The following TRIM2 variants were observed in gnomAD, a reference collection of about 807,000 sequenced individuals.
TRIM2 encodes the protein tripartite motif-containing protein 2.
In TRIM2, 20 loss-of-function variants were observed where a neutral mutation model predicts 75.2. That is an observed-to-expected ratio of 0.27 (90% confidence interval 0.19 to 0.39). The LOEUF is 0.39. Among genes scored for constraint, TRIM2 ranks in the 10% least tolerant of loss-of-function variants. The pLI, the probability that TRIM2 is intolerant of heterozygous loss-of-function variation, is 1.00. For synonymous variants in TRIM2, 373 were observed against 388.3 expected, an observed-to-expected ratio of 0.96 and a Z score of 0.46; for missense variants, 660 against 990.8, an observed-to-expected ratio of 0.67 and a Z score of 4.48.
At chr4:153,193,374 G>T (rs190635399) in intron 1 of TRIM2, among the ~76,000 whole-genome samples, 2 of 151,952 alleles carry the variant, frequency 1.3e-5, no homozygotes, top group Admixed American at 6.6e-5. Context: ...CTCGTGATCC[G>T]CCCGCCTTGT....
chr4:153,174,740 A>C (rs1731237413), intron 1 of TRIM2, among the ~76,000 whole-genome samples: 1 of 152,248 alleles, frequency 6.6e-6, no homozygotes, highest in Non-Finnish European at 1.5e-5. Context: ...GTGACGCTAG[A>C]GAGAGCTCGG....
At chr4:153,172,229 C>T (rs1730951638) in intron 1 of TRIM2, among the ~76,000 whole-genome samples, 1 of 151,834 alleles carries the variant, frequency 6.6e-6, no homozygotes. Context: ...GCTCTTTCAC[C>T]CAGGCCGGAG....
At chr4:153,310,833 G>T (rs1220673552) in intron 6 of TRIM2, among the ~76,000 whole-genome samples, 1 of 152,108 alleles carries the variant, frequency 6.6e-6, no homozygotes. Context: ...AAATATATAA[G>T]CAATGTTAGA....
At chr4:153,227,318 C>T (rs1412753283) in intron 1 of TRIM2, among the ~76,000 whole-genome samples, 2 of 152,206 alleles carry the variant, frequency 1.3e-5, no homozygotes, top group African/African-American at 4.8e-5. Flanking sequence ...AGCTACCAGA[C>T]AATTCAACAG....
chr4:153,294,254 G>T, intron 4 of TRIM2, 51 bp from the exon 5 acceptor site: 2 of 1,575,094 alleles, frequency 1.3e-6, no homozygotes, highest in Non-Finnish European at 1.7e-6. Context: ...ATAGATTTTG[G>T]AATATTTCTG....
At chr4:153,308,107 G>A (rs1450029867) in intron 6 of TRIM2, 24 of 928,154 alleles carry the variant, frequency 2.6e-5, no homozygotes, top group South Asian at 5.2e-5. Context: ...GACATGCTCC[G>A]CTCGGTCATG....
At chr4:153,189,527 A>G (rs1306928511) in intron 1 of TRIM2, among the ~76,000 whole-genome samples, 1 of 152,156 alleles carries the variant, frequency 6.6e-6, no homozygotes, top group Non-Finnish European at 1.5e-5. Flanking sequence ...GAGGCACTAG[A>G]ATGGGGATTA....
intron 11 of TRIM2, among the ~76,000 whole-genome samples, chr4:153,330,573 A>G (rs755318797): frequency 6.6e-6 from 1 of 152,182 alleles, no homozygotes; most frequent in Non-Finnish European, 1.5e-5. Flanking sequence ...AAAATAAAGA[A>G]AATCAGTCAA....
intron 1 of TRIM2, among the ~76,000 whole-genome samples, chr4:153,242,105 G>C (rs149996171): frequency 1.4e-3 from 218 of 152,308 alleles, no homozygotes; most frequent in Middle Eastern, 6.8e-3. Flanking sequence ...TGGGTCCTTT[G>C]AATAAATCTG....
Position 153,270,324 on chromosome 4 carries a change from C to T in TRIM2, c.31-11C>T. ...TTATATGTTTTTCTGTTTTGATTTT[C>T]TGTCTGACAGCAGCAGCGTGCAGGG... On this transcript the variant is annotated splice_polypyrimidine_tract_variant and intron_variant, in intron 1 of 11. Coordinates refer to ENST00000338700, the MANE Select transcript of TRIM2 (RefSeq NM_015271.5). 6.2e-7 allele frequency: 1 copy of T among 1,603,350 alleles called. No individual in the cohort carries two copies. The highest frequency in any genetic ancestry group is 8.5e-7 in the Non-Finnish European group (1 of 1,175,096).
intron 1 of TRIM2, among the ~76,000 whole-genome samples, chr4:153,183,904 GT>G (rs1321505063): frequency 6.6e-6 from 1 of 152,176 alleles, no homozygotes; most frequent in Non-Finnish European, 1.5e-5. Context: ...CTTAAACTGG[GT>G]AAGTGTCTTA....
chr4:153,174,416 C>A (rs1404559486), intron 1 of TRIM2, among the ~76,000 whole-genome samples: 2 of 152,068 alleles, frequency 1.3e-5, no homozygotes, highest in Admixed American at 6.5e-5. Context: ...GACATAAGCA[C>A]CTCCCAGGCC....
intron 3 of TRIM2, among the ~76,000 whole-genome samples, chr4:153,278,797 C>CA (rs5863036): frequency 0.27 from 33,471 of 122,764 alleles, 4,438 homozygotes; most frequent in African/African-American, 0.39. Flanking sequence ...GACTCTATCT[C>CA]AAAAAAAAAA....
At chr4:153,241,028 G>A (rs1746424413) in intron 1 of TRIM2, among the ~76,000 whole-genome samples, 1 of 152,226 alleles carries the variant, frequency 6.6e-6, no homozygotes, top group African/African-American at 2.4e-5. Flanking sequence ...AGTGAGCCGA[G>A]ATTGCGCCAC....
At chr4:153,245,153 C>CA (rs1272757321) in intron 1 of TRIM2, among the ~76,000 whole-genome samples, 4 of 152,226 alleles carry the variant, frequency 2.6e-5, no homozygotes, top group African/African-American at 9.6e-5. Context: ...CTACAAAACA[C>CA]AGGGTGATCA....
At chr4:153,306,586 T>C (rs1765046131) in intron 6 of TRIM2, among the ~76,000 whole-genome samples, 1 of 152,150 alleles carries the variant, frequency 6.6e-6, no homozygotes. Flanking sequence ...CAAGAAGGAA[T>C]AGATGGGGAA....
At chr4:153,160,770 A>T (rs1336158998) in intron 1 of TRIM2, among the ~76,000 whole-genome samples, 1 of 152,030 alleles carries the variant, frequency 6.6e-6, no homozygotes, top group Non-Finnish European at 1.5e-5. Context: ...AATTTTTAAA[A>T]TTTATTTTTT....
At chr4:153,255,627 C>T (rs527446874) in intron 1 of TRIM2, among the ~76,000 whole-genome samples, 89 of 152,042 alleles carry the variant, frequency 5.9e-4, no homozygotes, top group African/African-American at 1.9e-3. Flanking sequence ...GCAGAACATA[C>T]GTCCGCACAA....
chr4:153,220,160 T>C (rs557546076), intron 1 of TRIM2, among the ~76,000 whole-genome samples: 4 of 152,014 alleles, frequency 2.6e-5, no homozygotes, highest in African/African-American at 9.6e-5. Flanking sequence ...AAGTGGGAAA[T>C]AAATAGGAAG....
Sources: allele counts gnomAD v4.1 joint callset (sites outside exome capture counted in the v4.1 genomes callset), GRCh38; gene constraint gnomAD v4.1.1; transcripts MANE v1.5; gene names NCBI Gene and HGNC (gene_info 2026-07-23, HGNC 2026-07-21).